Variants in PSD3 observed in about 807,000 individuals in gnomAD.
The protein encoded by PSD3 is pleckstrin and Sec7 domain containing 3.
In PSD3, 49 loss-of-function variants were observed where a neutral mutation model predicts 105.5. The observed-to-expected ratio is 0.46, with a 90% confidence interval of 0.37 to 0.59. PSD3 has a LOEUF of 0.59. Among genes scored for constraint, PSD3 ranks in the 20% least tolerant of loss-of-function variants. PSD3 has a pLI of 0.00. For missense variants in PSD3, 1,561 were observed against 1,263.8 expected (o/e 1.24, Z -3.57); for synonymous variants, 557 against 457.8 (o/e 1.22, Z -2.77).
intron 15 of PSD3, among the ~76,000 whole-genome samples, chr8:18,540,438 G>C (rs1475342218): frequency 6.6e-6 from 1 of 152,078 alleles, no homozygotes; most frequent in Non-Finnish European, 1.5e-5. Flanking sequence ...GAAATGATTA[G>C]CACTCTAGTA....
chr8:19,047,680 C>T (rs1828373330), intron 1 of PSD3, among the ~76,000 whole-genome samples: 1 of 152,132 alleles, frequency 6.6e-6, no homozygotes, highest in Non-Finnish European at 1.5e-5. Flanking sequence ...TATGTCATAC[C>T]TGGCACAACA....
At chr8:19,075,529 C>G (rs1453761845) in intron 1 of PSD3, among the ~76,000 whole-genome samples, 2 of 152,344 alleles carry the variant, frequency 1.3e-5, no homozygotes, top group African/African-American at 2.4e-5. Flanking sequence ...AAGTCCAAAA[C>G]TCAAATCCTC....
At chr8:19,066,348 C>A (rs1485335505) in intron 1 of PSD3, among the ~76,000 whole-genome samples, 1 of 152,132 alleles carries the variant, frequency 6.6e-6, no homozygotes, top group African/African-American at 2.4e-5. Flanking sequence ...ACCCTTATAC[C>A]TCTGGCTGGA....
intron 1 of PSD3, among the ~76,000 whole-genome samples, chr8:19,058,535 A>G (rs962823570): frequency 6.6e-6 from 1 of 150,962 alleles, no homozygotes; most frequent in South Asian, 2.1e-4. Context: ...TAAAATTCAT[A>G]GAACTGTACA....
chr8:18,992,892 A>C (rs1825882443), intron 1 of PSD3, among the ~76,000 whole-genome samples: 1 of 152,132 alleles, frequency 6.6e-6, no homozygotes, highest in Non-Finnish European at 1.5e-5. Context: ...TGTATTATTA[A>C]TCACAATCTC....
intron 4 of PSD3, among the ~76,000 whole-genome samples, chr8:18,814,423 G>A (rs773231496): frequency 3.3e-5 from 5 of 152,118 alleles, no homozygotes; most frequent in Non-Finnish European, 7.4e-5. Context: ...CATAACAACT[G>A]TACTTTTCAC....
intron 9 of PSD3, among the ~76,000 whole-genome samples, chr8:18,703,973 G>C (rs540524468): frequency 6.6e-6 from 1 of 151,050 alleles, no homozygotes; most frequent in Non-Finnish European, 1.5e-5. Flanking sequence ...GCTGATCCAC[G>C]AAAAAGGGAA....
intron 4 of PSD3, among the ~76,000 whole-genome samples, chr8:18,838,592 G>C (rs1447240783): frequency 6.6e-6 from 1 of 151,988 alleles, no homozygotes; most frequent in Non-Finnish European, 1.5e-5. Flanking sequence ...ATGAGGTCAG[G>C]AGCTCAAGAC....
At chr8:18,738,412 G>C (rs555914277) in intron 9 of PSD3, among the ~76,000 whole-genome samples, 1 of 152,260 alleles carries the variant, frequency 6.6e-6, no homozygotes, top group Admixed American at 6.5e-5. Flanking sequence ...AATGTTCTAT[G>C]ATGAGATAAC....
chr8:18,789,559 G>C (rs1322631419), intron 8 of PSD3, among the ~76,000 whole-genome samples: 9 of 152,106 alleles, frequency 5.9e-5, no homozygotes, highest in African/African-American at 2.4e-5. Context: ...AAAATTTTAA[G>C]AGTATAAAGC....
intron 9 of PSD3, among the ~76,000 whole-genome samples, chr8:18,671,804 T>C (rs1799799919): frequency 6.6e-6 from 1 of 152,128 alleles, no homozygotes; most frequent in South Asian, 2.1e-4. Flanking sequence ...GCTAATTTTT[T>C]GTATTTTTAG....
intron 12 of PSD3, among the ~76,000 whole-genome samples, chr8:18,584,182 C>T (rs1214932290): frequency 6.6e-6 from 1 of 152,120 alleles, no homozygotes; most frequent in Admixed American, 6.5e-5. Context: ...AGTGGAAAGT[C>T]TCATATCCCA....
chr8:18,614,198 T>C (rs909609495), intron 11 of PSD3, among the ~76,000 whole-genome samples: 1 of 152,204 alleles, frequency 6.6e-6, no homozygotes, highest in Non-Finnish European at 1.5e-5. Context: ...ACCTTGACTT[T>C]ACTTTTCTTT....
At chr8:18,652,673 T>C (rs1256174894) in intron 10 of PSD3, among the ~76,000 whole-genome samples, 2 of 151,820 alleles carry the variant, frequency 1.3e-5, no homozygotes, top group African/African-American at 4.8e-5. Flanking sequence ...AATTTTTGTA[T>C]TTTTAGTAGA....
At chr8:18,587,586 C>A (rs2130464836) in intron 12 of PSD3, among the ~76,000 whole-genome samples, 1 of 152,294 alleles carries the variant, frequency 6.6e-6, no homozygotes, top group South Asian at 2.1e-4. Context: ...CTGGCAAACT[C>A]CTGCTTATCT....
intron 8 of PSD3, among the ~76,000 whole-genome samples, chr8:18,796,741 T>C (rs965544859): frequency 6.6e-6 from 1 of 152,184 alleles, no homozygotes; most frequent in African/African-American, 2.4e-5. Context: ...GTCTTGGCAC[T>C]TCTTAGAAAG....
At chr8:18,578,503 C>T (rs1802600549) in intron 12 of PSD3, among the ~76,000 whole-genome samples, 1 of 152,064 alleles carries the variant, frequency 6.6e-6, no homozygotes, top group Non-Finnish European at 1.5e-5. Flanking sequence ...CTTCTTCATG[C>T]CCTTCTATGT....
chr8:18,806,026 G>A (rs1335499414), intron 4 of PSD3, among the ~76,000 whole-genome samples: 1 of 152,170 alleles, frequency 6.6e-6, no homozygotes, highest in East Asian at 1.9e-4. Flanking sequence ...TTTTCCTGGA[G>A]ACTACCAGGA....
chr8:18,838,572 C>A (rs370411821), intron 4 of PSD3, among the ~76,000 whole-genome samples: 1 of 152,012 alleles, frequency 6.6e-6, no homozygotes, highest in East Asian at 1.9e-4. Flanking sequence ...GAGGCCGAGG[C>A]GGGCGGATCA....
Sources: allele counts gnomAD v4.1 joint callset (sites outside exome capture counted in the v4.1 genomes callset), GRCh38; gene constraint gnomAD v4.1.1; transcripts MANE v1.5; gene names NCBI Gene and HGNC (gene_info 2026-07-23, HGNC 2026-07-21).